Variants in PDPR observed in about 807,000 individuals in gnomAD.
The protein encoded by PDPR is pyruvate dehydrogenase phosphatase regulatory subunit.
Under a neutral mutation model 102.2 loss-of-function variants are expected in PDPR, and 50 were observed. The observed-to-expected ratio is 0.49, with a 90% CI of 0.39 to 0.62. The LOEUF (loss-of-function observed/expected upper bound fraction) is 0.62. PDPR is among the 20% of genes least tolerant of loss of function. PDPR has a pLI of 0.00. For missense variants in PDPR, 625 were observed against 1,098.2 expected (o/e 0.57, Z 6.09); for synonymous variants, 259 against 406.0 (o/e 0.64, Z 4.35).
chr16:70,124,734 G>C (rs1649165520), intron 3 of PDPR, among the ~76,000 whole-genome samples: 3 of 152,212 alleles, frequency 2.0e-5, no homozygotes, highest in Admixed American at 2.0e-4. Flanking sequence ...CTCCCACCTG[G>C]GGTGGAGCTC....
intron 17 of PDPR, 140 bp from the exon 18 acceptor site, chr16:70,153,251 T>A: frequency 1.0e-6 from 1 of 974,726 alleles, no homozygotes; most frequent in South Asian, 1.8e-5. Flanking sequence ...CCTGAGCGTG[T>A]CAAGGATGAG....
intron 18 of PDPR, among the ~76,000 whole-genome samples, chr16:70,154,207 A>G (rs1273413713): frequency 6.6e-6 from 1 of 152,254 alleles, no homozygotes; most frequent in Non-Finnish European, 1.5e-5. Flanking sequence ...CAGCACCTGT[A>G]GTTCCAGCTA....
intron 17 of PDPR, among the ~76,000 whole-genome samples, chr16:70,151,363 C>G (rs1010087160): frequency 3.9e-5 from 6 of 152,290 alleles, no homozygotes; most frequent in Non-Finnish European, 8.8e-5. Context: ...GCCACTGTGT[C>G]TGGCCCTGTT....
intron 18 of PDPR, among the ~76,000 whole-genome samples, chr16:70,155,018 C>G (rs953395916): frequency 2.6e-4 from 39 of 152,184 alleles, no homozygotes; most frequent in African/African-American, 8.7e-4. Context: ...ATGGTGAAAC[C>G]CCGTATCTGC....
chr16:70,142,535 G>A lies in PDPR; in HGVS notation c.1472-18G>A. 2 of 1,613,574 alleles carry A rather than the reference G, an allele frequency of 1.2e-6. No individual in the cohort carries two copies. The highest frequency in any genetic ancestry group is 1.7e-4 in the Middle Eastern group (1 of 6,056). ...TACACTAAACTCTACAGGGCCTTGT[G>A]ATTTTTCCATTCCGTAGACCTCCTG... On this transcript the variant is annotated intron_variant, in intron 12 of 18. Transcript: ENST00000288050.
chr16:70,140,740 G>A (rs1199525898), intron 11 of PDPR, among the ~76,000 whole-genome samples: 3 of 152,218 alleles, frequency 2.0e-5, no homozygotes, highest in Non-Finnish European at 2.9e-5. Flanking sequence ...ACTTGAACCC[G>A]GGAGATGGAG....
At chr16:70,120,136 C>T (rs1963080014) in intron 2 of PDPR, 1 of 248,918 alleles carries the variant, frequency 4.0e-6, no homozygotes, top group Non-Finnish European at 8.0e-6. Flanking sequence ...AGACTGGTCT[C>T]GAACCCCTGA....
At chr16:70,120,933 T>G (rs1263772045) in intron 3 of PDPR, among the ~76,000 whole-genome samples, 1 of 14,674 alleles carries the variant, frequency 6.8e-5, no homozygotes, top group Admixed American at 4.4e-4. Context: ...TCGTTTTCCT[T>G]TTTTTTTTTT....
chr16:70,139,596 C>T (rs1288780818), intron 11 of PDPR, among the ~76,000 whole-genome samples: 1 of 152,272 alleles, frequency 6.6e-6, no homozygotes, highest in Non-Finnish European at 1.5e-5. Context: ...CTCTCACTCC[C>T]GTGTTCTCGC....
In PDPR at chr16:70,160,449, T is replaced by C. The variant is rs1412981446; in HGVS notation, c.*3570T>C. On this transcript the variant is annotated 3_prime_UTR_variant, in exon 19 of 19. Transcript: ENST00000288050. Reference sequence around the variant, plus strand: ...GAGAACTGCACAGTGACCACTGTATTTTTCACGCTCTTCCAGGGATCCCTG... The same window carrying C: ...GAGAACTGCACAGTGACCACTGTATCTTTCACGCTCTTCCAGGGATCCCTG... The C allele has an allele frequency of 1.3e-5, 2 of 152,946 alleles. No individual in the cohort carries two copies. Among genetic ancestry groups the C allele is most frequent in the East Asian group, 3.9e-4 (2 of 5,176 alleles). 9.5% of individuals were successfully genotyped at this position (152,946 alleles called of 1,614,324 possible). A position where few individuals can be genotyped will look rare whatever the true frequency, so the allele number is the denominator to read the frequency against.
chr16:70,153,671 A>C (rs1966857197), intron 18 of PDPR, 98 bp downstream of exon 18: 3 of 1,292,552 alleles, frequency 2.3e-6, no homozygotes, highest in Non-Finnish European at 3.1e-6. Flanking sequence ...AAAAGGGGGA[A>C]AAGATTGAGG....
Position 70,150,159 on chromosome 16 carries a change from G to A in PDPR, c.2052+1606G>A, listed in dbSNP as rs11863168. Among the ~76,000 whole-genome samples the A allele has an allele frequency of 7.6e-3, 1,015 of 134,384 alleles. 3 individuals carry two copies. The highest frequency in any genetic ancestry group is 0.027 in the African/African-American group (954 of 35,216). 88.2% of individuals were successfully genotyped at this position (134,384 alleles called of 152,430 possible). A position where few individuals can be genotyped will look rare whatever the true frequency, so the allele number is the denominator to read the frequency against. On this transcript the variant is annotated intron_variant, in intron 17 of 18. Coordinates refer to ENST00000288050, the MANE Select transcript of PDPR (RefSeq NM_017990.5). ...ACACTTGTCCCCCAGGCTGGAGTGCGATGACATGATCTAGGCTCACCGCAA... is the reference window on the plus strand; with the variant it reads ...ACACTTGTCCCCCAGGCTGGAGTGCAATGACATGATCTAGGCTCACCGCAA...
chr16:70,153,464 C>G lies in PDPR; in HGVS notation c.2126C>G (p.Ala709Gly). 1 of 1,613,810 alleles carries G rather than the reference C, an allele frequency of 6.2e-7. No homozygotes were observed. The highest frequency in any genetic ancestry group is 8.5e-7 in the Non-Finnish European group (1 of 1,179,792). Residue 709 changes from alanine to glycine, a missense_variant, in exon 18 of 19, where the codon GCT becomes GGT. Transcript: ENST00000288050. The part of the protein sequence containing the change: ...KYGIRNAGYY[A>G]LRSLRIEKFF... ...GGAATCCGGAATGCTGGGTATTACG[C>G]TCTTCGCAGTCTCCGAATTGAGAAG...
intron 13 of PDPR, among the ~76,000 whole-genome samples, chr16:70,142,888 G>A (rs545043338): frequency 6.1e-3 from 925 of 152,050 alleles, no homozygotes; most frequent in African/African-American, 0.021. Context: ...GTGAAACCCC[G>A]TTTCTACTAA....
chr16:70,137,659 C>T lies in PDPR; in HGVS notation c.1191-1240C>T, dbSNP rs1026902323. 8.5e-5 allele frequency among the ~76,000 whole-genome samples: 13 copies of T among 152,346 alleles called. No homozygotes were observed. In the South Asian group the frequency reaches 1.0e-3, roughly 12 times the overall value. On this transcript the variant is annotated intron_variant, in intron 10 of 18. Transcript: ENST00000288050. ...ACTTACAAATGGGTAAGATGGTAGC[C>T]ACGATGAAAAGTTTATTTTAAATTT...
In PDPR at chr16:70,161,792, C is replaced by A. The variant is rs1401746893; in HGVS notation, c.*4913C>A. ...ACTTCTCTGAGCAGAGTGTCTGCAT[C>A]TCTTGGAGAGTTACACATTTCTTCA... On this transcript the variant is annotated 3_prime_UTR_variant, in exon 19 of 19. Coordinates refer to ENST00000288050, the MANE Select transcript of PDPR (RefSeq NM_017990.5). The A allele has an allele frequency of 2.0e-5, 3 of 152,398 alleles. No homozygotes were observed. Among genetic ancestry groups the A allele is most frequent in the Non-Finnish European group, 4.4e-5 (3 of 68,116 alleles). The allele number at this position is 152,398 out of a possible 1,614,324, so 9.4% of individuals were successfully genotyped here.
rs201630866 is a variant in PDPR at position 70,156,814 on chromosome 16, G to A, written c.2575G>A (p.Ala859Thr). The change falls in exon 19 of 19, where the codon GCC (alanine) becomes ACC (threonine). Residue 859 changes from alanine to threonine, a missense_variant. Physicochemically the swap from Ala to Thr is moderately conservative, Grantham distance 58. Around this residue, in one of 11 missense-constraint regions of PDPR, gnomAD observed 303 missense variants for 258.9 expected, o/e 1.17. Coordinates refer to ENST00000288050, the MANE Select transcript of PDPR (RefSeq NM_017990.5). ...FQAKAKLYPV[A>T]SLFTQKRRKD... ...GGCCAAGGCCAAGCTCTACCCTGTC[G>A]CCTCCCTCTTCACCCAGAAGCGCCG... 226 of 1,613,944 alleles carry A rather than the reference G, an allele frequency of 1.4e-4. No homozygotes were observed. Among genetic ancestry groups the A allele is most frequent in the South Asian group, 4.0e-4 (36 of 91,072 alleles).
rs776532027 is a variant in PDPR at position 70,120,561 on chromosome 16, C to G, written c.69C>G (p.Ser23=). The change falls in exon 3 of 19, where the codon TCC becomes TCG. Residue 23 remains serine, a synonymous_variant. Transcript: ENST00000288050. Reference sequence around the variant, plus strand: ...CCAGCCCAGGATGGCAGAACTGGTCCTCTGCAAGAAACAGCACGTCAGCTG... The same window carrying G: ...CCAGCCCAGGATGGCAGAACTGGTCGTCTGCAAGAAACAGCACGTCAGCTG... ...QRASPGWQNW[S]SARNSTSAAE... 4.2e-5 allele frequency: 67 copies of G among 1,613,890 alleles called. No homozygotes were observed. The highest frequency in any genetic ancestry group is 5.4e-5 in the Non-Finnish European group (64 of 1,179,888).
At chr16:70,125,656 A>G (rs1459055266) in intron 3 of PDPR, among the ~76,000 whole-genome samples, 28 of 149,882 alleles carry the variant, frequency 1.9e-4, no homozygotes, top group African/African-American at 6.8e-4. Context: ...TTTTTTTAAG[A>G]TGGAGTCTTG....
Sources: gnomAD v4.1 joint callset for allele counts (sites outside exome capture counted in the v4.1 genomes callset) on GRCh38, gnomAD v4.1.1 for gene constraint, gnomAD v4.1.1 regional missense constraint, MANE v1.5 for transcripts, NCBI Gene and HGNC (gene_info 2026-07-23, HGNC 2026-07-21) for gene names.